CTDSPL2: variants seen among roughly 807,000 people sequenced by gnomAD.
The protein encoded by CTDSPL2 is CTD small phosphatase like 2.
Under a neutral mutation model 60.0 loss-of-function variants are expected in CTDSPL2, and 5 were observed. The ratio of observed to expected loss-of-function variants is 0.08; its 90% CI spans 0.04 to 0.18. The LOEUF is 0.18. Among genes scored for constraint, CTDSPL2 ranks in the 10% least tolerant of loss-of-function variants. CTDSPL2 has a pLI of 1.00. For synonymous variants in CTDSPL2, 186 were observed against 189.3 expected (o/e 0.98, Z 0.14); for missense variants, 370 against 548.8 (o/e 0.67, Z 3.26).
At position 44,499,779 on chromosome 15, in the gene CTDSPL2, CT is replaced by C; in HGVS notation, c.939del (p.Pro314GlnfsTer13). 1 of 1,608,510 alleles carries C rather than the reference CT, an allele frequency of 6.2e-7. No homozygotes were observed. Among genetic ancestry groups the C allele is most frequent in the Non-Finnish European group, 8.5e-7 (1 of 1,176,106 alleles). On this transcript the variant is annotated frameshift_variant, in exon 8 of 13. Transcript: ENST00000260327. LOFTEE classifies it high-confidence loss of function. ...AATGAGCTAGAAGATGCAGCACTTACTTTTCCAGTCCTTTTCCAAGATGTCA... is the reference window on the plus strand; with the variant it reads ...AATGAGCTAGAAGATGCAGCACTTACTTTCCAGTCCTTTTCCAAGATGTCA... ...SLNELEDAAL[T>X]FPVLFQDVIY...
At chr15:44,491,988 T>C (rs2081222414) in intron 5 of CTDSPL2, among the ~76,000 whole-genome samples, 1 of 151,898 alleles carries the variant, frequency 6.6e-6, no homozygotes, top group African/African-American at 2.4e-5. Flanking sequence ...CTCAGCCTCC[T>C]GAGTAGCTGG....
chr15:44,466,929 A>G (rs2080708144), intron 2 of CTDSPL2, among the ~76,000 whole-genome samples: 1 of 151,840 alleles, frequency 6.6e-6, no homozygotes, highest in Non-Finnish European at 1.5e-5. Context: ...ACACAGCGCG[A>G]CTCCGTCTCA....
At chr15:44,458,849 C>T in intron 1 of CTDSPL2, 142 bp from the exon 2 acceptor site, 1 of 422,724 alleles carries the variant, frequency 2.4e-6, no homozygotes, top group Admixed American at 4.2e-5. Flanking sequence ...ATGTTGGTTT[C>T]TTACTGCAGT....
chr15:44,461,229 T>C (rs964705231), intron 2 of CTDSPL2, among the ~76,000 whole-genome samples: 1 of 152,214 alleles, frequency 6.6e-6, no homozygotes, highest in East Asian at 1.9e-4. Flanking sequence ...TTGAACAATG[T>C]GGAGTTTAGG....
At chr15:44,494,708 A>T (rs918325980) in intron 5 of CTDSPL2, among the ~76,000 whole-genome samples, 1 of 152,078 alleles carries the variant, frequency 6.6e-6, no homozygotes, top group Non-Finnish European at 1.5e-5. Context: ...TGAGGTCAGG[A>T]GTTCGAGACC....
chr15:44,495,458 G>A (rs1027129721), intron 5 of CTDSPL2, among the ~76,000 whole-genome samples: 2 of 148,110 alleles, frequency 1.4e-5, no homozygotes, highest in Non-Finnish European at 3.0e-5. Context: ...GCACATGCCT[G>A]TAGTCCCAGC....
At chr15:44,454,463 G>T (rs2080393516) in intron 1 of CTDSPL2, among the ~76,000 whole-genome samples, 1 of 152,090 alleles carries the variant, frequency 6.6e-6, no homozygotes, top group African/African-American at 2.4e-5. Flanking sequence ...GGCTTTTGTT[G>T]CCATTGCTTT....
intron 6 of CTDSPL2, 129 bp from the exon 7 acceptor site, chr15:44,496,898 A>T: frequency 1.9e-6 from 1 of 533,578 alleles, no homozygotes; most frequent in Non-Finnish European, 3.4e-6. Flanking sequence ...TTTCACTTTT[A>T]TTAATATGTT....
chr15:44,480,226 C>A (rs571196867), intron 2 of CTDSPL2, among the ~76,000 whole-genome samples: 1 of 152,266 alleles, frequency 6.6e-6, no homozygotes, highest in South Asian at 2.1e-4. Flanking sequence ...CCCCAACTCC[C>A]CTCCCCCTTA....
At chr15:44,489,150 A>ACCCCCCCCCCCCCCCCC (rs2081174989) in intron 4 of CTDSPL2, among the ~76,000 whole-genome samples, 1 of 47,818 alleles carries the variant, frequency 2.1e-5, no homozygotes, top group African/African-American at 8.2e-5. Context: ...CCCCCCACCT[A>ACCCCCCCCCCCCCCCCC]CCTCCTCCCC....
chr15:44,527,101 G>C lies in CTDSPL2; in HGVS notation c.*2927G>C, dbSNP rs999462578. 2 of 152,338 alleles carry C rather than the reference G, an allele frequency of 1.3e-5. No individual in the cohort carries two copies. The highest frequency in any genetic ancestry group is 4.8e-5 in the African/African-American group (2 of 41,348). 9.4% of individuals were successfully genotyped at this position (152,338 alleles called of 1,614,324 possible). On this transcript the variant is annotated 3_prime_UTR_variant, in exon 13 of 13. Transcript: ENST00000260327. ...TGATGACAATTCGTAACCATAAATT[G>C]TTTTATATTAGCTAGTATGTATATT...
rs8027065 is a variant in CTDSPL2, at chr15:44,516,319, A to G, written c.1112+1475A>G. Among the ~76,000 whole-genome samples the G allele has an allele frequency of 2.2e-3, 334 of 152,238 alleles. 1 individual carries two copies. Among genetic ancestry groups the G allele is most frequent in the African/African-American group, 7.7e-3 (322 of 41,562 alleles). On this transcript the variant is annotated intron_variant, in intron 10 of 12. Transcript: ENST00000260327. ...CTTTTCCCATGTTGTCTTACTGGAA[A>G]ATCCTAAAGTGTATTTTCTGCTGTT...
At chr15:44,498,073 A>G (rs2081331159) in intron 7 of CTDSPL2, among the ~76,000 whole-genome samples, 1 of 152,144 alleles carries the variant, frequency 6.6e-6, no homozygotes, top group Admixed American at 6.5e-5. Flanking sequence ...AACCAAATTT[A>G]ATATATAGTC....
chr15:44,495,117 A>G (rs1187489144), intron 5 of CTDSPL2, among the ~76,000 whole-genome samples: 2 of 152,170 alleles, frequency 1.3e-5, no homozygotes, highest in African/African-American at 2.4e-5. Context: ...GATTACAGGC[A>G]TGTGCCACCA....
At chr15:44,507,053 C>T (rs2081480869) in intron 8 of CTDSPL2, among the ~76,000 whole-genome samples, 2 of 151,152 alleles carry the variant, frequency 1.3e-5, no homozygotes, top group Admixed American at 6.6e-5. Flanking sequence ...AGGCGTGAGC[C>T]ACCGCGCCTG....
At chr15:44,433,964 A>AG (rs1251766299) in intron 1 of CTDSPL2, among the ~76,000 whole-genome samples, 1 of 151,748 alleles carries the variant, frequency 6.6e-6, no homozygotes. Flanking sequence ...AAAAAAAAAA[A>AG]AAATCAGTGT....
chr15:44,491,852 G>A (rs1595754060), intron 5 of CTDSPL2, among the ~76,000 whole-genome samples: 1 of 152,194 alleles, frequency 6.6e-6, no homozygotes, highest in East Asian at 1.9e-4. Context: ...TTTGAGACCA[G>A]CCTGGGCAAA....
intron 8 of CTDSPL2, among the ~76,000 whole-genome samples, chr15:44,512,567 T>C (rs1448266248): frequency 6.6e-6 from 1 of 152,210 alleles, no homozygotes; most frequent in Admixed American, 6.5e-5. Flanking sequence ...ATAATATACA[T>C]AAAAATCTGT....
intron 7 of CTDSPL2, among the ~76,000 whole-genome samples, chr15:44,497,915 A>G (rs2081328316): frequency 6.6e-6 from 1 of 152,114 alleles, no homozygotes; most frequent in Non-Finnish European, 1.5e-5. Context: ...AAGAATCACT[A>G]GAACCCAGGA....
Sources: allele counts gnomAD v4.1 joint callset (sites outside exome capture counted in the v4.1 genomes callset), GRCh38; gene constraint gnomAD v4.1.1; transcripts MANE v1.5; gene names NCBI Gene and HGNC (gene_info 2026-07-23, HGNC 2026-07-21).